The following NPHP4 variants were observed in gnomAD, a reference collection of about 807,000 sequenced individuals.
NPHP4 encodes the protein nephrocystin 4.
In NPHP4, 151 loss-of-function variants were observed where a neutral mutation model predicts 155.8. The observed-to-expected ratio is 0.97, with a 90% CI of 0.85 to 1.11. The LOEUF is 1.11. Ranked by LOEUF, NPHP4 falls within the 50% of genes least tolerant of loss-of-function variation. The pLI is 0.00. For missense variants in NPHP4, 1,956 were observed against 1,925.7 expected (o/e 1.02, Z -0.29); for synonymous variants, 845 against 816.8 (o/e 1.03, Z -0.59).
intron 11 of NPHP4, among the ~76,000 whole-genome samples, chr1:5,923,508 C>G (rs975793291): frequency 6.6e-6 from 1 of 152,126 alleles, no homozygotes; most frequent in Non-Finnish European, 1.5e-5. Context: ...CAGTAGAGCG[C>G]GGATCAGGAA....
At chr1:5,903,857 T>C (rs12084678) in intron 16 of NPHP4, among the ~76,000 whole-genome samples, 4,308 of 152,214 alleles carry the variant, frequency 0.028, 174 homozygotes, top group African/African-American at 0.094. Context: ...GCACAATGGC[T>C]GCTGACGCAA....
At chr1:5,881,170 A>T (rs1192109491) in intron 18 of NPHP4, 2 of 152,256 alleles carry the variant, frequency 1.3e-5, no homozygotes, top group Non-Finnish European at 2.9e-5. Flanking sequence ...CCTTGGCTGC[A>T]GCAGATCCAC....
rs568324710 is a variant in NPHP4 at position 5,889,748 on chromosome 1, G to T, written c.2304+1120C>A. ...TGGGAGACGGACAAGCAAGGGCCACGATGACCCTGTGGGGCCCTTGCCATG... is the reference window on the plus strand; with the variant it reads ...TGGGAGACGGACAAGCAAGGGCCACTATGACCCTGTGGGGCCCTTGCCATG... On this transcript the variant is annotated intron_variant, in intron 17 of 29. Transcript: ENST00000378156. This position sits in a 1 kb window ranked among gnomAD's most constrained non-coding sequence, Gnocchi z 4.2. 6.6e-6 allele frequency among the ~76,000 whole-genome samples: 1 copy of T among 152,238 alleles called. No individual in the cohort carries two copies. Among genetic ancestry groups the T allele is most frequent in the African/African-American group, 2.4e-5 (1 of 41,464 alleles).
chr1:5,877,278 G>A lies in NPHP4; in HGVS notation c.2632C>T (p.Gln878Ter). ...TCACTGTCCACGTCCGCCAGCTTCT[G>A]TGCTTGCACCACGTGTTTTCCTGCG... ...SSRRKHVVQA[Q>*]KLADVDSELA... is the part of the protein sequence containing the mutation. The change falls in exon 20 of 30, where the codon CAG becomes TAG. Residue 878 changes from glutamine (Q) to a stop codon, truncating the protein, a stop_gained. Coordinates refer to ENST00000378156, the MANE Select transcript of NPHP4 (RefSeq NM_015102.5). LOFTEE classifies it high-confidence loss of function. The A allele has an allele frequency of 6.3e-7, 1 of 1,599,184 alleles. No homozygotes were observed. The highest frequency in any genetic ancestry group is 8.6e-7 in the Non-Finnish European group (1 of 1,168,578).
chr1:5,968,853 G>C (rs1332034994), intron 4 of NPHP4, among the ~76,000 whole-genome samples: 1 of 152,036 alleles, frequency 6.6e-6, no homozygotes, highest in Non-Finnish European at 1.5e-5. Context: ...GGCCAACATG[G>C]CAAAACCCCG....
At chr1:5,927,134 T>C (rs767903287) in intron 11 of NPHP4, among the ~76,000 whole-genome samples, 1 of 152,236 alleles carries the variant, frequency 6.6e-6, no homozygotes, top group Non-Finnish European at 1.5e-5. Context: ...CTCCTAACCA[T>C]GTGGACTTGC....
intron 9 of NPHP4, among the ~76,000 whole-genome samples, chr1:5,936,834 G>A (rs1361614213): frequency 6.6e-6 from 1 of 152,184 alleles, no homozygotes; most frequent in East Asian, 1.9e-4. Flanking sequence ...CTGTGGCTGT[G>A]GCTTTGTTGG....
At chr1:5,968,176 T>C (rs1347069940) in intron 4 of NPHP4, among the ~76,000 whole-genome samples, 3 of 152,074 alleles carry the variant, frequency 2.0e-5, no homozygotes, top group Non-Finnish European at 1.5e-5. Flanking sequence ...TCAAATCACT[T>C]ACCTGAAGTC....
In NPHP4 at chr1:5,929,320, C is replaced by T. The variant is rs183388647; in HGVS notation, c.1303-1533G>A. On this transcript the variant is annotated intron_variant, in intron 10 of 29. Transcript: ENST00000378156. ...GACTTACAGCACTGACTACAACTTC[C>T]AGTGCAATACTGAACATGACGTTGA... Among the ~76,000 whole-genome samples, 11 of 152,302 alleles carry T rather than the reference C, an allele frequency of 7.2e-5. No homozygotes were observed. In the East Asian group the frequency reaches 2.1e-3, roughly 29 times the overall value.
intron 9 of NPHP4, among the ~76,000 whole-genome samples, 167 bp from the exon 10 acceptor site, chr1:5,933,496 T>C (rs768143996): frequency 2.0e-4 from 30 of 152,296 alleles, no homozygotes; most frequent in Admixed American, 5.2e-4. Flanking sequence ...GAGGAGGACA[T>C]GGCATCCACA....
In NPHP4 at chr1:5,865,214, C is replaced by T. The variant is rs569553635; in HGVS notation, c.3704G>A (p.Arg1235His). The change falls in exon 27 of 30, where the codon CGC becomes CAC. Residue 1235 changes from arginine (R) to histidine (H), a missense_variant. Physicochemically the swap from Arg to His is conservative, Grantham distance 29 (BLOSUM62 0). Coordinates refer to ENST00000378156, the MANE Select transcript of NPHP4 (RefSeq NM_015102.5). ...GCCTGCGACGCAGGAGACATCCACGCGCTGCAGGGAGTGGAGGTAGACCTG... is the reference window on the plus strand; with the variant it reads ...GCCTGCGACGCAGGAGACATCCACGTGCTGCAGGGAGTGGAGGTAGACCTG... Reference protein sequence around the residue: ...TWQVYLHSLQRVDVSCVAGQL... With the variant: ...TWQVYLHSLQHVDVSCVAGQL... 49 of 1,606,184 alleles carry T rather than the reference C, an allele frequency of 3.1e-5. 1 individual carries two copies. The highest frequency in any genetic ancestry group is 2.6e-4 in the South Asian group (24 of 90,582).
Position 5,969,109 on chromosome 1 carries a change from T to C in NPHP4, c.430A>G (p.Ile144Val). The change falls in exon 4 of 30, where the codon ATC becomes GTC. Residue 144 changes from isoleucine (I) to valine (V), a missense_variant. Ile to Val is a conservative substitution (Grantham distance 29). Coordinates refer to ENST00000378156, the MANE Select transcript of NPHP4 (RefSeq NM_015102.5). ...RIFSNQPDSP[I>V]SASQDKRLRL... is the part of the protein sequence containing the mutation. Reference sequence around the variant, plus strand: ...TACCTTTTGTCCTGGGAAGCAGAGATAGGAGAGTCCGGCTGGTTGCTGAAG... The same window carrying C: ...TACCTTTTGTCCTGGGAAGCAGAGACAGGAGAGTCCGGCTGGTTGCTGAAG... The C allele has an allele frequency of 1.3e-6, 2 of 1,549,734 alleles. No homozygotes were observed. The highest frequency in any genetic ancestry group is 1.7e-6 in the Non-Finnish European group (2 of 1,146,072).
At chr1:5,979,921 G>A (rs957096013) in intron 2 of NPHP4, among the ~76,000 whole-genome samples, 1 of 152,040 alleles carries the variant, frequency 6.6e-6, no homozygotes, top group Non-Finnish European at 1.5e-5. Context: ...CAAATGGCAG[G>A]CCTATCAGAA....
intron 22 of NPHP4, among the ~76,000 whole-genome samples, chr1:5,874,219 C>A (rs1642307187): frequency 9.7e-6 from 1 of 103,150 alleles, no homozygotes; most frequent in African/African-American, 3.6e-5. Flanking sequence ...GCCCTTCCAA[C>A]CAACTTAGTA....
At chr1:5,982,962 T>C (rs1654946173) in intron 2 of NPHP4, among the ~76,000 whole-genome samples, 1 of 152,198 alleles carries the variant, frequency 6.6e-6, no homozygotes, top group Non-Finnish European at 1.5e-5. Context: ...GACTGTTCCA[T>C]ATGAACTTGG....
intron 10 of NPHP4, among the ~76,000 whole-genome samples, chr1:5,928,362 G>C (rs1444951393): frequency 6.6e-6 from 1 of 152,236 alleles, no homozygotes; most frequent in Non-Finnish European, 1.5e-5. Flanking sequence ...AGACTGAGGA[G>C]ATTCATCCAA....
intron 7 of NPHP4, 64 bp downstream of exon 7, chr1:5,952,636 C>A: frequency 1.1e-6 from 1 of 913,378 alleles, no homozygotes; most frequent in Non-Finnish European, 1.6e-6. Flanking sequence ...CTCCTCCCTG[C>A]CCTACCCGGG....
At chr1:5,936,404 G>A (rs1271422070) in intron 9 of NPHP4, among the ~76,000 whole-genome samples, 5 of 152,142 alleles carry the variant, frequency 3.3e-5, no homozygotes, top group African/African-American at 7.2e-5. Context: ...CACAAGCAGA[G>A]TCACAGTGAG....
intron 5 of NPHP4, among the ~76,000 whole-genome samples, chr1:5,964,941 A>ATATATATATATATATATATTTTTTT: frequency 1.7e-5 from 1 of 59,408 alleles, no homozygotes; most frequent in Non-Finnish European, 2.9e-5. Flanking sequence ...ATATATATAT[A>ATATATATATATATATATATTTTTTT]TTTTTTTTTT....
Sources: gnomAD v4.1 joint callset for allele counts (sites outside exome capture counted in the v4.1 genomes callset) on GRCh38, gnomAD v4.1.1 for gene constraint, Gnocchi (gnomAD v3.1) non-coding constraint, MANE v1.5 for transcripts, NCBI Gene and HGNC (gene_info 2026-07-23, HGNC 2026-07-21) for gene names.